Variants in USP34 observed in about 807,000 individuals in gnomAD.
The protein encoded by USP34 is ubiquitin carboxyl-terminal hydrolase 34.
In USP34, 70 loss-of-function variants were observed where a neutral mutation model predicts 460.3. That is an observed-to-expected ratio of 0.15 (90% CI 0.13 to 0.19). The LOEUF is 0.19. Among genes scored for constraint, USP34 ranks in the 10% least tolerant of loss-of-function variants. USP34 has a pLI of 1.00. For missense variants in USP34, 3,985 were observed against 4,236.2 expected (o/e 0.94, Z 1.65); for synonymous variants, 1,647 against 1,405.3 (o/e 1.17, Z -3.85).
chr2:61,452,252 G>T (rs1010362316), intron 1 of USP34, among the ~76,000 whole-genome samples: 4 of 146,696 alleles, frequency 2.7e-5, no homozygotes, highest in African/African-American at 1.0e-4. Flanking sequence ...AATAACAAAA[G>T]ACTACTTGCC....
rs1292455738 is a variant in USP34 at position 61,405,971 on chromosome 2, C to G, written c.289G>C (p.Glu97Gln). ...TINIDSTWQD[E>Q]SNQAEEPLNI... ...AGTGGTTCTTCTGCTTGATTACTCTCATCTTGCCACGTGGAATCTATGTTA... is the reference window on the plus strand; with the variant it reads ...AGTGGTTCTTCTGCTTGATTACTCTGATCTTGCCACGTGGAATCTATGTTA... Residue 97 changes from glutamate to glutamine, a missense_variant, in exon 3 of 80, where the codon GAG becomes CAG. Glu to Gln is a conservative substitution (Grantham distance 29). Transcript: ENST00000398571. 6 of 1,613,480 alleles carry G rather than the reference C, an allele frequency of 3.7e-6. No homozygotes were observed.
At chr2:61,383,615 A>T (rs1010577406) in intron 5 of USP34, among the ~76,000 whole-genome samples, 7 of 151,886 alleles carry the variant, frequency 4.6e-5, no homozygotes, top group African/African-American at 1.7e-4. Context: ...AGGCAGGAGA[A>T]TCGCTTGAAC....
At chr2:61,208,812 C>T (rs1392284478) in intron 70 of USP34, 87 bp downstream of exon 70, 2 of 944,948 alleles carry the variant, frequency 2.1e-6, no homozygotes, top group Admixed American at 2.9e-5. Context: ...AACAGTTTAC[C>T]ATAAACTCTA....
chr2:61,370,484 A>C lies in USP34; in HGVS notation c.1158+14T>G, dbSNP rs764281165. The C allele has an allele frequency of 6.2e-6, 10 of 1,613,410 alleles. No individual in the cohort carries two copies. In the South Asian group the frequency reaches 9.9e-5, roughly 16 times the overall value. ...TATCAATAGAACAGAGAAGTTATGT[A>C]ATCATCCACAAACCTCAATATGTAA... On this transcript the variant is annotated intron_variant, in intron 9 of 79. Coordinates refer to ENST00000398571, the MANE Select transcript of USP34 (RefSeq NM_014709.4).
intron 1 of USP34, among the ~76,000 whole-genome samples, chr2:61,467,927 C>T (rs1695827618): frequency 1.3e-5 from 2 of 151,790 alleles, no homozygotes. Context: ...GTTGCCCGGC[C>T]AACTCTGAAT....
chr2:61,246,574 TAA>T (rs1176347582), intron 49 of USP34, 97 bp from the exon 50 acceptor site: 1 of 791,042 alleles, frequency 1.3e-6, no homozygotes. Context: ...TACAATATTT[TAA>T]GTCATTTTAA....
At chr2:61,356,090 G>A (rs138504190) in intron 10 of USP34, among the ~76,000 whole-genome samples, 54 of 152,008 alleles carry the variant, frequency 3.6e-4, no homozygotes, top group African/African-American at 1.3e-3. Context: ...TCTCAAAGAG[G>A]TATCTGTACT....
intron 50 of USP34, among the ~76,000 whole-genome samples, chr2:61,245,911 C>T (rs1315315016): frequency 6.6e-6 from 1 of 152,124 alleles, no homozygotes; most frequent in Non-Finnish European, 1.5e-5. Context: ...CAACCATTAA[C>T]TTGATAAAAG....
chr2:61,238,087 G>A (rs1328486077), intron 53 of USP34, among the ~76,000 whole-genome samples: 2 of 151,796 alleles, frequency 1.3e-5, no homozygotes, highest in Non-Finnish European at 2.9e-5. Flanking sequence ...GTAGAGAGGG[G>A]GTTTCATCAT....
rs770675371 is a variant in USP34 at position 61,416,821 on chromosome 2, T to TTGGGG, written c.131+3924_131+3925insCCCCA. On this transcript the variant is annotated intron_variant, in intron 2 of 79. Transcript: ENST00000398571. ...TTAACCTCCCTAATCTTTTTTTTTTTGGGGGGGGGGACAGGAAGTAGAATG... is the reference window on the plus strand; with the variant it reads ...TTAACCTCCCTAATCTTTTTTTTTTTTGGGGGGGGGGGGGGACAGGAAGTAGAATG... The TTGGGG allele has an allele frequency of 6.1e-4, 133 of 219,438 alleles. 1 individual carries two copies. The highest frequency in any genetic ancestry group is 1.6e-3 in the South Asian group (13 of 8,060). 13.6% of individuals were successfully genotyped at this position (219,438 alleles called of 1,614,324 possible).
intron 18 of USP34, among the ~76,000 whole-genome samples, chr2:61,335,239 CTA>C (rs1274122975): frequency 6.6e-6 from 1 of 152,086 alleles, no homozygotes; most frequent in Non-Finnish European, 1.5e-5. Context: ...AGAATTTCTC[CTA>C]TAATGACTAT....
intron 48 of USP34, among the ~76,000 whole-genome samples, chr2:61,251,484 C>T (rs1000790338): frequency 2.0e-5 from 3 of 152,046 alleles, no homozygotes; most frequent in Non-Finnish European, 4.4e-5. Context: ...AAATAGAAGC[C>T]AAGATATAAC....
chr2:61,405,077 T>G (rs547043759), intron 3 of USP34, among the ~76,000 whole-genome samples: 2 of 151,148 alleles, frequency 1.3e-5, no homozygotes, highest in South Asian at 4.2e-4. Flanking sequence ...GAAAATTCTT[T>G]TTAAACTTAG....
chr2:61,337,978 C>T (rs1242770182), intron 18 of USP34, among the ~76,000 whole-genome samples: 1 of 152,138 alleles, frequency 6.6e-6, no homozygotes, highest in Non-Finnish European at 1.5e-5. Flanking sequence ...TGTTATAAAA[C>T]CTATGTAAAT....
At chr2:61,391,878 T>G (rs1693357787) in intron 5 of USP34, among the ~76,000 whole-genome samples, 1 of 152,136 alleles carries the variant, frequency 6.6e-6, no homozygotes, top group Non-Finnish European at 1.5e-5. Flanking sequence ...AAGATGCCTA[T>G]TAAAGAGTTA....
intron 33 of USP34, among the ~76,000 whole-genome samples, chr2:61,293,242 T>C (rs1689916824): frequency 6.6e-6 from 1 of 151,960 alleles, no homozygotes; most frequent in Admixed American, 6.5e-5. Context: ...CTGGCCAGAG[T>C]TTAGAGTAAT....
intron 16 of USP34, 69 bp downstream of exon 16, chr2:61,343,746 T>C (rs1691675867): frequency 6.7e-7 from 1 of 1,501,036 alleles, no homozygotes; most frequent in African/African-American, 1.4e-5. Context: ...TTGAGTCCTT[T>C]CAACAAAGTA....
intron 61 of USP34, among the ~76,000 whole-genome samples, chr2:61,227,946 T>G (rs1368827559): frequency 6.6e-6 from 1 of 152,192 alleles, no homozygotes; most frequent in African/African-American, 2.4e-5. Flanking sequence ...ATAGTGGGTA[T>G]TTCAAAGAGA....
At chr2:61,350,785 G>T in intron 10 of USP34, 92 bp from the exon 11 acceptor site, 1 of 1,348,714 alleles carries the variant, frequency 7.4e-7, no homozygotes. Context: ...TCAAAAAGTT[G>T]GCCAGTACAC....
Sources: allele counts gnomAD v4.1 joint callset (sites outside exome capture counted in the v4.1 genomes callset), GRCh38; gene constraint gnomAD v4.1.1; transcripts MANE v1.5; gene names NCBI Gene and HGNC (gene_info 2026-07-23, HGNC 2026-07-21).